Variants in UNC13C observed in about 807,000 individuals in gnomAD.
UNC13C encodes the protein unc-13 homolog C.
In UNC13C, 174 loss-of-function variants were observed where a neutral mutation model predicts 245.4. The ratio of observed to expected loss-of-function variants is 0.71; its 90% CI spans 0.63 to 0.80. The LOEUF (loss-of-function observed/expected upper bound fraction) is 0.80. UNC13C is among the 30% of genes least tolerant of loss of function. The pLI, the probability that UNC13C is intolerant of heterozygous loss-of-function variation, is 0.00. For synonymous variants in UNC13C, 992 were observed against 895.1 expected (o/e 1.11, Z -1.93); for missense variants, 2,829 against 2,602.9 (o/e 1.09, Z -1.89).
At chr15:54,237,457 T>C (rs894087749) in intron 6 of UNC13C, 162 bp from the exon 7 acceptor site, 1 of 707,230 alleles carries the variant, frequency 1.4e-6, no homozygotes, top group African/African-American at 1.7e-5. Flanking sequence ...ATTGTATAAG[T>C]CCATATTCTG....
chr15:54,466,713 A>G (rs992365195), intron 19 of UNC13C, among the ~76,000 whole-genome samples: 2 of 151,934 alleles, frequency 1.3e-5, no homozygotes, highest in Admixed American at 6.6e-5. Context: ...TCAGTGTTCC[A>G]TGGACATTCA....
chr15:54,361,550 C>G (rs1376774046), intron 17 of UNC13C, among the ~76,000 whole-genome samples: 1 of 152,118 alleles, frequency 6.6e-6, no homozygotes, highest in Admixed American at 6.6e-5. Flanking sequence ...TCATATTTCC[C>G]TGAGTTTAAC....
At chr15:54,311,735 A>G (rs1024072865) in intron 13 of UNC13C, among the ~76,000 whole-genome samples, 2 of 151,782 alleles carry the variant, frequency 1.3e-5, no homozygotes, top group Non-Finnish European at 2.9e-5. Context: ...ATTACTTGTC[A>G]GTAATACATT....
At chr15:54,443,773 G>A (rs957800702) in intron 19 of UNC13C, among the ~76,000 whole-genome samples, 5 of 150,792 alleles carry the variant, frequency 3.3e-5, no homozygotes, top group South Asian at 2.1e-4. Flanking sequence ...GAGAAGACAC[G>A]ATGTCATTTT....
chr15:54,472,144 G>A (rs1045727189), intron 19 of UNC13C, among the ~76,000 whole-genome samples: 1 of 151,320 alleles, frequency 6.6e-6, no homozygotes, highest in African/African-American at 2.4e-5. Context: ...TTTTCTTGTG[G>A]TTACCCTAAT....
At chr15:54,241,521 C>T (rs760431339) in intron 7 of UNC13C, among the ~76,000 whole-genome samples, 4 of 152,100 alleles carry the variant, frequency 2.6e-5, no homozygotes, top group Non-Finnish European at 4.4e-5. Flanking sequence ...GTGAAAGGGG[C>T]CTGAATTAGA....
intron 10 of UNC13C, among the ~76,000 whole-genome samples, chr15:54,269,189 G>A (rs923705782): frequency 2.0e-5 from 3 of 151,946 alleles, no homozygotes; most frequent in African/African-American, 4.8e-5. Flanking sequence ...AGTAATCATA[G>A]GGCTCACTTT....
chr15:54,455,521 T>C (rs1891468383), intron 19 of UNC13C, among the ~76,000 whole-genome samples: 1 of 144,032 alleles, frequency 6.9e-6, no homozygotes, highest in Non-Finnish European at 1.5e-5. Flanking sequence ...CACCAACATC[T>C]GCTTTTTTTT....
At chr15:54,574,963 C>A (rs1452611721) in intron 30 of UNC13C, among the ~76,000 whole-genome samples, 1 of 152,116 alleles carries the variant, frequency 6.6e-6, no homozygotes, top group Non-Finnish European at 1.5e-5. Context: ...GCATTAATGT[C>A]ATGTGGAGAT....
chr15:54,423,199 A>T (rs2040688850), intron 19 of UNC13C, among the ~76,000 whole-genome samples: 1 of 151,340 alleles, frequency 6.6e-6, no homozygotes, highest in African/African-American at 2.4e-5. Flanking sequence ...TGATGTTATG[A>T]CCCACTGATG....
rs542946400 is a variant in UNC13C at position 54,397,726 on chromosome 15, G to C, written c.4847+4545G>C. 2.2e-4 allele frequency among the ~76,000 whole-genome samples: 33 copies of C among 151,318 alleles called. No homozygotes were observed. The South Asian group carries it at 6.4e-3, about 30-fold the overall frequency. ...GGTGAAAAGGTGTTACATATTCTTTGTTAATTGGTTTCTAAGTATTTTTAT... is the reference window on the plus strand; with the variant it reads ...GGTGAAAAGGTGTTACATATTCTTTCTTAATTGGTTTCTAAGTATTTTTAT... On this transcript the variant is annotated intron_variant, in intron 18 of 32. Coordinates refer to ENST00000260323, the MANE Select transcript of UNC13C (RefSeq NM_001080534.3).
At chr15:54,430,902 G>A (rs1405057572) in intron 19 of UNC13C, among the ~76,000 whole-genome samples, 1 of 151,634 alleles carries the variant, frequency 6.6e-6, no homozygotes, top group East Asian at 2.0e-4. Flanking sequence ...AACAAATCTT[G>A]CCTCCTTAGT....
At chr15:54,556,704 G>C (rs899375755) in intron 29 of UNC13C, among the ~76,000 whole-genome samples, 1 of 151,602 alleles carries the variant, frequency 6.6e-6, no homozygotes, top group Admixed American at 6.6e-5. Context: ...CTAATCTTTG[G>C]AGTTATAGTA....
intron 1 of UNC13C, among the ~76,000 whole-genome samples, chr15:53,997,167 G>T (rs1024787684): frequency 2.0e-5 from 3 of 152,104 alleles, no homozygotes; most frequent in African/African-American, 7.2e-5. Flanking sequence ...TATAATTAAT[G>T]CTGTAGAGTA....
At chr15:54,143,277 A>G (rs2032107578) in intron 3 of UNC13C, among the ~76,000 whole-genome samples, 1 of 152,174 alleles carries the variant, frequency 6.6e-6, no homozygotes, top group Non-Finnish European at 1.5e-5. Flanking sequence ...GGGGTCTGCT[A>G]CTGTCAAACA....
At chr15:53,862,287 G>A in the UNC13C span, among the ~76,000 whole-genome samples, 1 of 152,082 alleles carries the variant, frequency 6.6e-6, no homozygotes, top group Non-Finnish European at 1.5e-5. Flanking sequence ...TGGTTACAGG[G>A]AGAAAGTCAG....
chr15:54,100,787 A>G (rs1272649538), intron 2 of UNC13C, among the ~76,000 whole-genome samples: 1 of 151,676 alleles, frequency 6.6e-6, no homozygotes, highest in Non-Finnish European at 1.5e-5. Context: ...ACTGCCACCT[A>G]ATCCATGCCA....
the UNC13C span, among the ~76,000 whole-genome samples, chr15:53,942,468 A>T: frequency 6.6e-6 from 1 of 152,016 alleles, no homozygotes; most frequent in Non-Finnish European, 1.5e-5. Flanking sequence ...TACCTATGTG[A>T]TAGGATGATC....
intron 19 of UNC13C, among the ~76,000 whole-genome samples, chr15:54,484,909 A>AG (rs563877239): frequency 6.6e-6 from 1 of 152,342 alleles, no homozygotes; most frequent in East Asian, 1.9e-4. Context: ...ATAAAAAACT[A>AG]TAAGTAATGA....
Sources: allele counts gnomAD v4.1 joint callset (sites outside exome capture counted in the v4.1 genomes callset), GRCh38; gene constraint gnomAD v4.1.1; transcripts MANE v1.5; gene names NCBI Gene and HGNC (gene_info 2026-07-23, HGNC 2026-07-21).